The following CCDC186 variants were observed in gnomAD, a reference collection of about 807,000 sequenced individuals.
CCDC186 encodes coiled-coil domain-containing protein 186.
In CCDC186, 49 loss-of-function variants were observed where a neutral mutation model predicts 113.7. That is an observed-to-expected ratio of 0.43 (90% confidence interval 0.34 to 0.55). The LOEUF is 0.55. CCDC186 is among the 20% of genes least tolerant of loss of function. CCDC186 has a pLI of 0.02. For missense variants in CCDC186, 890 were observed against 1,011.1 expected (o/e 0.88, Z 1.62); for synonymous variants, 355 against 345.8 (o/e 1.03, Z -0.30).
chr10:114,126,571 C>G (rs2030909433), intron 14 of CCDC186, among the ~76,000 whole-genome samples: 1 of 152,010 alleles, frequency 6.6e-6, no homozygotes, highest in Non-Finnish European at 1.5e-5. Flanking sequence ...GCTGGTTGAC[C>G]TCCTAGCCTC....
chr10:114,165,672 G>T (rs1233184847), intron 1 of CCDC186, among the ~76,000 whole-genome samples: 1 of 150,550 alleles, frequency 6.6e-6, no homozygotes, highest in Non-Finnish European at 1.5e-5. Flanking sequence ...CCTGGGCGAC[G>T]GAGCGAGACT....
chr10:114,159,803 C>T (rs2032117533), intron 2 of CCDC186, among the ~76,000 whole-genome samples: 1 of 151,628 alleles, frequency 6.6e-6, no homozygotes, highest in African/African-American at 2.4e-5. Flanking sequence ...ACAAAAAAAC[C>T]ACAAAAGTAT....
chr10:114,127,206 A>G lies in CCDC186; in HGVS notation c.2393+255T>C, dbSNP rs1306491975. Among the ~76,000 whole-genome samples the G allele has an allele frequency of 2.0e-5, 3 of 152,202 alleles. No individual in the cohort carries two copies. The East Asian group carries it at 5.8e-4, about 29-fold the overall frequency. ...GTAAAGCATTATCTTTTTAAAATCT[A>G]AAGTTGTTTAAGTATCTTAAAAATA... On this transcript the variant is annotated intron_variant, in intron 14 of 15. Transcript: ENST00000369287.
At position 114,134,987 on chromosome 10, in the gene CCDC186, A is replaced by T; in HGVS notation, c.1581T>A (p.Asn527Lys). ...DELSKYKEIINRQKAEIQNLL... is the reference protein window; with the variant it reads ...DELSKYKEIIKRQKAEIQNLL... ...AATTCTGAATTTCAGCTTTTTGGCGATTAATAATTTCCTTATATTTTGATA... is the reference window on the plus strand; with the variant it reads ...AATTCTGAATTTCAGCTTTTTGGCGTTTAATAATTTCCTTATATTTTGATA... The change falls in exon 10 of 16, where the codon AAT (asparagine) becomes AAA (lysine). Residue 527 changes from asparagine to lysine, a missense_variant. By Grantham distance (94) the Asn-to-Lys change is moderately conservative. Coordinates refer to ENST00000369287, the MANE Select transcript of CCDC186 (RefSeq NM_018017.4). 6.2e-7 allele frequency: 1 copy of T among 1,612,526 alleles called. No individual in the cohort carries two copies. Among genetic ancestry groups the T allele is most frequent in the Non-Finnish European group, 8.5e-7 (1 of 1,179,514 alleles).
intron 1 of CCDC186, among the ~76,000 whole-genome samples, chr10:114,170,301 T>C (rs2032455165): frequency 6.6e-6 from 1 of 152,070 alleles, no homozygotes; most frequent in Admixed American, 6.6e-5. Flanking sequence ...CACATCCTAT[T>C]AAGCTTTTGG....
At chr10:114,135,515 T>C (rs1028889372) in intron 9 of CCDC186, among the ~76,000 whole-genome samples, 9 of 152,172 alleles carry the variant, frequency 5.9e-5, no homozygotes, top group African/African-American at 2.2e-4. Flanking sequence ...ATTAAAACTA[T>C]CCATCTATTA....
chr10:114,164,398 C>G (rs1036029782), intron 1 of CCDC186, among the ~76,000 whole-genome samples: 1 of 152,018 alleles, frequency 6.6e-6, no homozygotes, highest in Non-Finnish European at 1.5e-5. Context: ...GCTGGAATTA[C>G]AGGGGTGAGC....
chr10:114,172,284 G>A (rs528415438), intron 1 of CCDC186, among the ~76,000 whole-genome samples: 3 of 152,144 alleles, frequency 2.0e-5, no homozygotes, highest in Admixed American at 2.0e-4. Context: ...TCAACCTACT[G>A]TCTCTTCCTG....
chr10:114,136,960 T>C (rs2031281582), intron 7 of CCDC186, among the ~76,000 whole-genome samples: 1 of 151,952 alleles, frequency 6.6e-6, no homozygotes, highest in Non-Finnish European at 1.5e-5. Context: ...CTACTAAAAA[T>C]ACAAAATTTA....
At position 114,145,755 on chromosome 10, in the gene CCDC186, T is replaced by C; in HGVS notation, c.895A>G (p.Lys299Glu). The change falls in exon 5 of 16, where the codon AAG becomes GAG. Residue 299 changes from lysine (K) to glutamate (E), a missense_variant. Transcript: ENST00000369287. ...TCTTGGCGTGCCTCTTCACATTTCT[T>C]GTTGGCCTTCAAAAAAAATATTACT... is the stretch of plus-strand genomic sequence containing the variant. ...EMAQRMEQANKKCEEARQEKE... is the reference protein window; with the variant it reads ...EMAQRMEQANEKCEEARQEKE... 1 of 1,576,316 alleles carries C rather than the reference T, an allele frequency of 6.3e-7. No individual in the cohort carries two copies. The highest frequency in any genetic ancestry group is 8.5e-7 in the Non-Finnish European group (1 of 1,169,950).
At chr10:114,131,774 T>A (rs2031096153) in intron 11 of CCDC186, among the ~76,000 whole-genome samples, 155 bp downstream of exon 11, 1 of 152,184 alleles carries the variant, frequency 6.6e-6, no homozygotes, top group South Asian at 2.1e-4. Flanking sequence ...TTATAACAGT[T>A]GAGGAAAAAC....
At chr10:114,167,625 AG>A (rs199643892) in intron 1 of CCDC186, among the ~76,000 whole-genome samples, 2,060 of 151,958 alleles carry the variant, frequency 0.014, 54 homozygotes, top group African/African-American at 0.047. Context: ...AGTAGACTAA[AG>A]GGGAAGGATG....
intron 1 of CCDC186, among the ~76,000 whole-genome samples, chr10:114,171,341 A>G (rs2032488121): frequency 6.6e-6 from 1 of 152,002 alleles, no homozygotes; most frequent in African/African-American, 2.4e-5. Context: ...TTAAGAGAAC[A>G]GCCTGGGAAA....
At chr10:114,126,386 T>G (rs2030901869) in intron 14 of CCDC186, among the ~76,000 whole-genome samples, 1 of 152,234 alleles carries the variant, frequency 6.6e-6, no homozygotes, top group Admixed American at 6.5e-5. Context: ...AGATAAGGTC[T>G]CATTTTGTCA....
At chr10:114,164,882 T>C (rs1233238206) in intron 1 of CCDC186, among the ~76,000 whole-genome samples, 1 of 152,202 alleles carries the variant, frequency 6.6e-6, no homozygotes, top group Non-Finnish European at 1.5e-5. Context: ...CAGGAGTGAA[T>C]TTTGTTAAGA....
intron 2 of CCDC186, among the ~76,000 whole-genome samples, chr10:114,160,611 A>C (rs1481445332): frequency 9.6e-6 from 1 of 104,520 alleles, no homozygotes; most frequent in Non-Finnish European, 1.9e-5. Context: ...CACGATGTAT[A>C]TCAAATCATC....
At position 114,151,268 on chromosome 10, in the gene CCDC186, C is replaced by T. The variant is rs770843515; in HGVS notation, c.760-48G>A. 1.3e-5 allele frequency: 17 copies of T among 1,287,946 alleles called. 1 individual carries two copies. The highest frequency in any genetic ancestry group is 2.3e-4 in the Middle Eastern group (1 of 4,414). The allele number at this position is 1,287,946 out of a possible 1,614,324, so 79.8% of individuals were successfully genotyped here. ...ATTATTTTTATAGCTATACCAAATACACCACCAATACTGCAAATAAATATA... is the reference window on the plus strand; with the variant it reads ...ATTATTTTTATAGCTATACCAAATATACCACCAATACTGCAAATAAATATA... On this transcript the variant is annotated intron_variant, in intron 3 of 15. Coordinates refer to ENST00000369287, the MANE Select transcript of CCDC186 (RefSeq NM_018017.4).
chr10:114,162,745 A>G lies in CCDC186; in HGVS notation c.524T>C (p.Phe175Ser), dbSNP rs2032214063. 2 of 1,613,918 alleles carry G rather than the reference A, an allele frequency of 1.2e-6. No homozygotes were observed. The highest frequency in any genetic ancestry group is 1.7e-4 in the Middle Eastern group (1 of 6,058). ...EIESELLSTE[F>S]AEHRVPNGMN... ...TCCATTTGGTACTCGATGTTCTGCAAACTCCGTAGATAAGAGCTCAGATTC... is the reference window on the plus strand; with the variant it reads ...TCCATTTGGTACTCGATGTTCTGCAGACTCCGTAGATAAGAGCTCAGATTC... Residue 175 changes from phenylalanine to serine, a missense_variant, in exon 2 of 16, where the codon TTT becomes TCT. Coordinates refer to ENST00000369287, the MANE Select transcript of CCDC186 (RefSeq NM_018017.4).
chr10:114,137,259 G>A lies in CCDC186; in HGVS notation c.1253C>T (p.Thr418Ile). The part of the protein sequence containing the change: ...ETKDKLKETT[T>I]KLTQAKEEAD... ...TTCTTCCTTTGCTTGTGTTAATTTTGTTGTTGTTTCTTTGAGTTTATCTTT... is the reference window on the plus strand; with the variant it reads ...TTCTTCCTTTGCTTGTGTTAATTTTATTGTTGTTTCTTTGAGTTTATCTTT... The change falls in exon 7 of 16, where the codon ACA (threonine) becomes ATA (isoleucine). Residue 418 changes from threonine (T) to isoleucine (I), a missense_variant. By Grantham distance (89) the Thr-to-Ile change is moderately conservative. Transcript: ENST00000369287. The A allele has an allele frequency of 6.2e-7, 1 of 1,613,462 alleles. No individual in the cohort carries two copies. The highest frequency in any genetic ancestry group is 8.5e-7 in the Non-Finnish European group (1 of 1,179,890).
Sources: gnomAD v4.1 joint callset for allele counts (sites outside exome capture counted in the v4.1 genomes callset) on GRCh38, gnomAD v4.1.1 for gene constraint, MANE v1.5 for transcripts, NCBI Gene and HGNC (gene_info 2026-07-23, HGNC 2026-07-21) for gene names.